Variants in RGS6 observed in about 807,000 individuals in gnomAD.
RGS6 encodes regulator of G protein signaling 6.
Under a neutral mutation model 78.5 loss-of-function variants are expected in RGS6, and 30 were observed. The ratio of observed to expected loss-of-function variants is 0.38; its 90% CI spans 0.29 to 0.52. RGS6 has a LOEUF of 0.52. Among genes scored for constraint, RGS6 ranks in the 20% least tolerant of loss-of-function variants. The probability of loss-of-function intolerance (pLI) is 0.85; values close to 1 mark genes in which losing one functional copy is unlikely to be tolerated. For missense variants in RGS6, 495 were observed against 609.7 expected, an observed-to-expected ratio of 0.81 and a Z score of 1.98; for synonymous variants, 206 against 206.0, an observed-to-expected ratio of 1.00 and a Z score of 0.00.
rs137860620 is a variant in RGS6 at position 72,031,446 on chromosome 14, A to G, written c.84+66571A>G. On this transcript the variant is annotated intron_variant, in intron 2 of 17. Coordinates refer to ENST00000553525, the MANE Select transcript of RGS6 (RefSeq NM_001204424.2). ...AAATGGACTATTTAATATAATTGACATATTTCCCATGGAGTAAAAACACTA... is the reference window on the plus strand; with the variant it reads ...AAATGGACTATTTAATATAATTGACGTATTTCCCATGGAGTAAAAACACTA... Among the ~76,000 whole-genome samples the G allele has an allele frequency of 5.3e-3, 811 of 152,316 alleles. 8 individuals are homozygous for G. The highest frequency in any genetic ancestry group is 7.6e-3 in the Non-Finnish European group (515 of 68,026).
chr14:72,422,943 A>G (rs916105067), intron 3 of RGS6, among the ~76,000 whole-genome samples: 20 of 152,042 alleles, frequency 1.3e-4, no homozygotes, highest in Non-Finnish European at 2.2e-4. Flanking sequence ...GAAAGAACCA[A>G]CTCTGCCGAC....
At chr14:72,402,892 G>A (rs1241543549) in intron 3 of RGS6, among the ~76,000 whole-genome samples, 1 of 146,726 alleles carries the variant, frequency 6.8e-6, no homozygotes, top group Non-Finnish European at 1.5e-5. Context: ...CATCTCCTGG[G>A]TTCAAGTGAT....
At chr14:72,046,361 C>G (rs1216577372) in intron 2 of RGS6, among the ~76,000 whole-genome samples, 2 of 152,102 alleles carry the variant, frequency 1.3e-5, no homozygotes, top group Non-Finnish European at 2.9e-5. Context: ...GTTTGGCAGC[C>G]TGAAACATTT....
At chr14:72,245,411 A>G (rs1040606354) in intron 2 of RGS6, among the ~76,000 whole-genome samples, 2 of 152,264 alleles carry the variant, frequency 1.3e-5, no homozygotes, top group Non-Finnish European at 2.9e-5. Context: ...CAATCCAGTC[A>G]TTAGCATTAT....
chr14:72,508,562 C>CTTTTTTTGT (rs2096839070), intron 13 of RGS6, among the ~76,000 whole-genome samples: 1 of 56,460 alleles, frequency 1.8e-5, no homozygotes, highest in Non-Finnish European at 2.9e-5. Context: ...ACACAAGCTC[C>CTTTTTTTGT]TTTTTTTTTT....
intron 2 of RGS6, among the ~76,000 whole-genome samples, chr14:72,123,395 A>G (rs1343028185): frequency 2.0e-5 from 3 of 152,252 alleles, no homozygotes; most frequent in African/African-American, 7.2e-5. Flanking sequence ...ATCAAGAAGC[A>G]CAGTTTTGTA....
the RGS6 span, among the ~76,000 whole-genome samples, chr14:72,574,953 G>A: frequency 1.9e-3 from 289 of 152,272 alleles, 2 homozygotes; most frequent in African/African-American, 6.1e-3. Flanking sequence ...TGCTACAGTA[G>A]GATGGAAAGC....
intron 3 of RGS6, among the ~76,000 whole-genome samples, chr14:72,453,943 A>G (rs564462355): frequency 1.3e-5 from 2 of 152,322 alleles, no homozygotes; most frequent in South Asian, 4.1e-4. Flanking sequence ...GGCATATGCC[A>G]TTTCTACCCA....
At position 72,547,548 on chromosome 14, in the gene RGS6, T is replaced by G. The variant is rs946947471; in HGVS notation, c.1422+7454T>G. ...CCATAGGTAGGAATAGCCTGTAAGA[T>G]GTTGCCCTCCTGCAGTGTGGCTAAA... On this transcript the variant is annotated intron_variant, in intron 17 of 17. Transcript: ENST00000553525. Among the ~76,000 whole-genome samples the G allele has an allele frequency of 2.9e-4, 44 of 152,292 alleles. 1 individual carries two copies. Among genetic ancestry groups the G allele is most frequent in the Middle Eastern group, 6.8e-3 (2 of 294 alleles).
intron 2 of RGS6, among the ~76,000 whole-genome samples, chr14:72,104,240 C>A (rs924205594): frequency 2.6e-5 from 4 of 152,148 alleles, no homozygotes; most frequent in Non-Finnish European, 4.4e-5. Context: ...CCAGCTGTCC[C>A]ACGTTGTCTT....
chr14:72,176,382 G>A (rs1185536068), intron 2 of RGS6, among the ~76,000 whole-genome samples: 3 of 152,220 alleles, frequency 2.0e-5, no homozygotes, highest in Non-Finnish European at 4.4e-5. Context: ...TGAGTTTGCT[G>A]AGGGTAGGAC....
At chr14:72,330,032 C>A (rs1196018113) in intron 2 of RGS6, among the ~76,000 whole-genome samples, 1 of 152,168 alleles carries the variant, frequency 6.6e-6, no homozygotes, top group Admixed American at 6.5e-5. Flanking sequence ...TTTTTGTGTT[C>A]TTCACAGCAC....
At chr14:72,252,799 G>A (rs1567584879) in intron 2 of RGS6, among the ~76,000 whole-genome samples, 1 of 152,132 alleles carries the variant, frequency 6.6e-6, no homozygotes. Flanking sequence ...TCTCTTTATA[G>A]AGGAGGACTC....
intron 3 of RGS6, among the ~76,000 whole-genome samples, chr14:72,403,428 T>C (rs1057464459): frequency 4.6e-5 from 7 of 152,108 alleles, no homozygotes; most frequent in South Asian, 4.2e-4. Flanking sequence ...GAGAGTACAA[T>C]TGTAGTTATT....
intron 3 of RGS6, among the ~76,000 whole-genome samples, chr14:72,444,604 G>GT (rs1178043013): frequency 6.6e-6 from 1 of 152,188 alleles, no homozygotes; most frequent in Admixed American, 6.5e-5. Context: ...TCCCAGATCA[G>GT]TTTCCAGTTC....
chr14:71,920,575 T>C, the RGS6 span, among the ~76,000 whole-genome samples: 1 of 151,892 alleles, frequency 6.6e-6, no homozygotes, highest in Non-Finnish European at 1.5e-5. Flanking sequence ...ACACTTAGAG[T>C]TAATTGAAAA....
At chr14:72,585,749 C>T in the RGS6 span, among the ~76,000 whole-genome samples, 2 of 152,174 alleles carry the variant, frequency 1.3e-5, no homozygotes, top group South Asian at 4.1e-4. Context: ...ACTCAATCAT[C>T]CTTAACTTCT....
chr14:72,457,084 T>TAAA (rs747066432), intron 4 of RGS6, among the ~76,000 whole-genome samples: 1,476 of 82,118 alleles, frequency 0.018, 61 homozygotes, highest in African/African-American at 0.06. Context: ...GACCTGTCTC[T>TAAA]AAAAAAAAAA....
chr14:72,540,032 T>C lies in RGS6; in HGVS notation c.1369-9T>C, dbSNP rs2097301575. 1.3e-6 allele frequency: 2 copies of C among 1,564,870 alleles called. No homozygotes were observed. The highest frequency in any genetic ancestry group is 1.4e-5 in the African/African-American group (1 of 72,708). On this transcript the variant is annotated splice_polypyrimidine_tract_variant and intron_variant, in intron 16 of 17. Coordinates refer to ENST00000553525, the MANE Select transcript of RGS6 (RefSeq NM_001204424.2). Reference sequence around the variant, plus strand: ...TTTTTCTCCCTACCCTTTTTTTTTTTTCCTAAAGCCAGAAAGTGAGCAAGG... The same window carrying C: ...TTTTTCTCCCTACCCTTTTTTTTTTCTCCTAAAGCCAGAAAGTGAGCAAGG...
Sources: allele counts gnomAD v4.1 joint callset (sites outside exome capture counted in the v4.1 genomes callset), GRCh38; gene constraint gnomAD v4.1.1; transcripts MANE v1.5; gene names NCBI Gene and HGNC (gene_info 2026-07-23, HGNC 2026-07-21).